MED15: variants seen among roughly 807,000 people sequenced by gnomAD.
The protein encoded by MED15 is mediator complex subunit 15.
Under a neutral mutation model 118.7 loss-of-function variants are expected in MED15, and 41 were observed. The ratio of observed to expected loss-of-function variants is 0.35; its 90% confidence interval spans 0.27 to 0.45. The LOEUF is 0.45. MED15 is among the 20% of genes least tolerant of loss of function. The pLI is 1.00. For missense variants in MED15, 740 were observed against 1,025.5 expected (o/e 0.72, Z 3.80); for synonymous variants, 436 against 413.9 (o/e 1.05, Z -0.65).
At chr22:20,569,569 T>TTGGG in intron 8 of MED15, among the ~76,000 whole-genome samples, 1 of 152,194 alleles carries the variant, frequency 6.6e-6, no homozygotes, top group Admixed American at 6.5e-5. Flanking sequence ...CATCTCACGC[T>TTGGG]TGGGGGGTGC....
chr22:20,545,729 A>G (rs750536349), intron 2 of MED15, among the ~76,000 whole-genome samples: 1 of 152,034 alleles, frequency 6.6e-6, no homozygotes, highest in Non-Finnish European at 1.5e-5. Context: ...CCTTGTCCCT[A>G]CTTGGTTTCT....
chr22:20,509,908 G>A (rs576205592), intron 1 of MED15, among the ~76,000 whole-genome samples: 1 of 152,234 alleles, frequency 6.6e-6, no homozygotes, highest in East Asian at 1.9e-4. Flanking sequence ...AATGGGGGTA[G>A]GGGAAGTGTT....
intron 1 of MED15, chr22:20,522,923 C>T (rs896526331): frequency 6.6e-6 from 1 of 152,262 alleles, no homozygotes; most frequent in Admixed American, 6.5e-5. Context: ...CATCAGCCTC[C>T]AGTCACAGCA....
chr22:20,567,237 C>T (rs1488452336), intron 7 of MED15, among the ~76,000 whole-genome samples: 3 of 152,094 alleles, frequency 2.0e-5, no homozygotes, highest in Non-Finnish European at 1.5e-5. Flanking sequence ...TTTTCCTTTA[C>T]ACTCTGCCAA....
chr22:20,521,328 C>T (rs1022131432), intron 1 of MED15, among the ~76,000 whole-genome samples: 2 of 151,734 alleles, frequency 1.3e-5, no homozygotes, highest in East Asian at 1.9e-4. Context: ...AACTCCTGAC[C>T]TCAGGGGATC....
At chr22:20,511,225 C>G (rs2054051778) in intron 1 of MED15, among the ~76,000 whole-genome samples, 1 of 152,140 alleles carries the variant, frequency 6.6e-6, no homozygotes, top group African/African-American at 2.4e-5. Flanking sequence ...GAGAAAGTGT[C>G]TTGCTTGTGG....
At chr22:20,558,244 T>G (rs887677262) in intron 5 of MED15, among the ~76,000 whole-genome samples, 1 of 152,182 alleles carries the variant, frequency 6.6e-6, no homozygotes, top group Admixed American at 6.5e-5. Context: ...GATGGGCATT[T>G]GATACCCCTT....
At chr22:20,522,561 T>G (rs2054500373) in intron 1 of MED15, among the ~76,000 whole-genome samples, 1 of 152,152 alleles carries the variant, frequency 6.6e-6, no homozygotes, top group Non-Finnish European at 1.5e-5. Context: ...TCCGTGTGCA[T>G]GCGTATATGA....
At chr22:20,537,495 C>T (rs952799491) in intron 2 of MED15, among the ~76,000 whole-genome samples, 1 of 152,196 alleles carries the variant, frequency 6.6e-6, no homozygotes, top group African/African-American at 2.4e-5. Context: ...TGCTCAGGCC[C>T]CTAGCTGGTC....
At chr22:20,562,093 T>A (rs1217700157) in intron 5 of MED15, among the ~76,000 whole-genome samples, 1 of 152,010 alleles carries the variant, frequency 6.6e-6, no homozygotes, top group African/African-American at 2.4e-5. Context: ...CCTGGAACGC[T>A]GAGTCTGCAA....
At chr22:20,561,817 C>A (rs2056252544) in intron 5 of MED15, among the ~76,000 whole-genome samples, 1 of 151,992 alleles carries the variant, frequency 6.6e-6, no homozygotes. Context: ...GAGTTCAAGA[C>A]CAACCTCGGC....
chr22:20,511,738 A>G (rs549244607), intron 1 of MED15, among the ~76,000 whole-genome samples: 1 of 152,004 alleles, frequency 6.6e-6, no homozygotes, highest in East Asian at 1.9e-4. Flanking sequence ...ATCTGGGCCC[A>G]TTCTGGGCTG....
rs770918374 is a variant in MED15, at chr22:20,584,883, C to T, written c.1832C>T (p.Pro611Leu). Residue 611 changes from proline (P) to leucine (L), a missense_variant, in exon 15 of 18, where the codon CCG (proline) becomes CTG (leucine). This residue lies in a region of MED15 where 179 missense variants were observed against 259.0 expected (regional missense o/e 0.69). Transcript: ENST00000263205. ...VPTPPPPPVP[P>L]TKQQYLCQPL... is the part of the protein sequence containing the mutation. ...ACTCCCCCACCGCCCCCGGTGCCACCGACCAAACAGCAGTACCTATGCCAG... is the reference window on the plus strand; with the variant it reads ...ACTCCCCCACCGCCCCCGGTGCCACTGACCAAACAGCAGTACCTATGCCAG... 2.8e-5 allele frequency: 45 copies of T among 1,613,264 alleles called. No individual in the cohort carries two copies. Among genetic ancestry groups the T allele is most frequent in the African/African-American group, 1.2e-4 (9 of 74,892 alleles).
chr22:20,524,447 A>T (rs539770399), intron 1 of MED15: 1 of 135,238 alleles, frequency 7.4e-6, no homozygotes, highest in South Asian at 2.7e-4. Flanking sequence ...GTGGTGAGGC[A>T]TTTGAGCTGC....
At chr22:20,548,702 C>T (rs983554043) in intron 2 of MED15, among the ~76,000 whole-genome samples, 3 of 152,188 alleles carry the variant, frequency 2.0e-5, no homozygotes, top group Admixed American at 6.5e-5. Context: ...GTATGTGGCA[C>T]GGAGCACGTG....
At chr22:20,584,522 C>CG in intron 14 of MED15, 97 bp downstream of exon 14, 1 of 1,406,580 alleles carries the variant, frequency 7.1e-7, no homozygotes, top group Non-Finnish European at 1.0e-6. Flanking sequence ...GGCATCTGGG[C>CG]GGGGGCCGGG....
intron 6 of MED15, among the ~76,000 whole-genome samples, chr22:20,565,710 G>A (rs1465272988): frequency 3.3e-5 from 5 of 152,172 alleles, no homozygotes; most frequent in South Asian, 2.1e-4. Context: ...GACCTTGACC[G>A]TCACCGTGAG....
intron 8 of MED15, among the ~76,000 whole-genome samples, chr22:20,573,046 G>T (rs556002514): frequency 1.3e-3 from 199 of 150,692 alleles, no homozygotes; most frequent in African/African-American, 4.9e-3. Flanking sequence ...TCAGCTCACT[G>T]CAGTCTCCAC....
At chr22:20,567,855 C>T (rs1393716532) in intron 7 of MED15, among the ~76,000 whole-genome samples, 2 of 152,028 alleles carry the variant, frequency 1.3e-5, no homozygotes, top group Non-Finnish European at 2.9e-5. Flanking sequence ...CCAAGTTTGC[C>T]CCCCACCCCC....
Sources: allele counts gnomAD v4.1 joint callset (sites outside exome capture counted in the v4.1 genomes callset), GRCh38; gene constraint gnomAD v4.1.1; regional missense constraint gnomAD v4.1.1; transcripts MANE v1.5; gene names NCBI Gene and HGNC (gene_info 2026-07-23, HGNC 2026-07-21).